Variants in ALK observed in about 807,000 individuals in gnomAD.
ALK encodes ALK tyrosine kinase receptor.
Under a neutral mutation model 163.1 loss-of-function variants are expected in ALK, and 74 were observed. That is an observed-to-expected ratio of 0.45 (90% CI 0.38 to 0.55). ALK has a LOEUF of 0.55. ALK is among the 20% of genes least tolerant of loss of function. ALK has a pLI of 0.00. For synonymous variants in ALK, 960 were observed against 843.2 expected (o/e 1.14, Z -2.40); for missense variants, 2,063 against 2,105.3 (o/e 0.98, Z 0.39).
intron 26 of ALK, among the ~76,000 whole-genome samples, chr2:29,199,876 A>G (rs1196927339): frequency 6.6e-6 from 1 of 152,224 alleles, no homozygotes; most frequent in Non-Finnish European, 1.5e-5. Context: ...TATTACCACA[A>G]AAATTGTAGA....
At chr2:29,881,202 T>C (rs1454681090) in intron 1 of ALK, among the ~76,000 whole-genome samples, 1 of 152,146 alleles carries the variant, frequency 6.6e-6, no homozygotes, top group Non-Finnish European at 1.5e-5. Context: ...TTCCAATCCC[T>C]CCATTTCCAA....
intron 4 of ALK, among the ~76,000 whole-genome samples, chr2:29,480,314 G>A (rs72794444): frequency 0.15 from 23,121 of 152,100 alleles, 1,973 homozygotes; most frequent in East Asian, 0.34. Context: ...CAAATAGGGT[G>A]AAATATTAAT....
chr2:29,612,225 A>G (rs920869995), intron 3 of ALK, among the ~76,000 whole-genome samples: 3 of 152,196 alleles, frequency 2.0e-5, no homozygotes, highest in Admixed American at 1.3e-4. Flanking sequence ...GTAGTGTGCT[A>G]ATAGCATCTC....
At chr2:29,215,868 G>C (rs147347988) in intron 23 of ALK, among the ~76,000 whole-genome samples, 1 of 152,218 alleles carries the variant, frequency 6.6e-6, no homozygotes, top group African/African-American at 2.4e-5. Context: ...CTCAGAGCCA[G>C]TTTCATCTGT....
intron 11 of ALK, among the ~76,000 whole-genome samples, chr2:29,263,360 T>A (rs1457480390): frequency 1.3e-5 from 2 of 152,170 alleles, no homozygotes; most frequent in African/African-American, 2.4e-5. Context: ...CATTGTTTGG[T>A]TCTAACTCAT....
chr2:29,243,912 T>C (rs142045677), intron 12 of ALK, among the ~76,000 whole-genome samples: 14 of 152,374 alleles, frequency 9.2e-5, no homozygotes, highest in African/African-American at 3.4e-4. Context: ...TTTTGTTTTT[T>C]CCTCATCTAA....
intron 3 of ALK, among the ~76,000 whole-genome samples, chr2:29,616,376 C>A (rs1484674114): frequency 1.3e-5 from 2 of 152,118 alleles, no homozygotes; most frequent in African/African-American, 2.4e-5. Flanking sequence ...TAAAACAAAC[C>A]CTCAAATTCC....
At chr2:29,730,375 A>C (rs1190629114) in intron 1 of ALK, among the ~76,000 whole-genome samples, 1 of 152,190 alleles carries the variant, frequency 6.6e-6, no homozygotes, top group Non-Finnish European at 1.5e-5. Context: ...GCTTGAACCT[A>C]AATAGGAGGT....
chr2:29,671,517 G>A (rs1677688064), intron 3 of ALK, among the ~76,000 whole-genome samples: 1 of 152,050 alleles, frequency 6.6e-6, no homozygotes, highest in African/African-American at 2.4e-5. Flanking sequence ...TTAAGGGAAG[G>A]ACAGATCTCC....
chr2:29,870,904 C>G (rs939167675), intron 1 of ALK, among the ~76,000 whole-genome samples: 3 of 152,140 alleles, frequency 2.0e-5, no homozygotes, highest in African/African-American at 7.2e-5. Context: ...TGTTTTAGGT[C>G]TTTGATAAAG....
chr2:29,301,365 A>G lies in ALK; in HGVS notation c.1648-4308T>C, dbSNP rs17007850. ...TTGTCTTCTCTCTCTACCCTTGGTC[A>G]TGAATTCCTTCAAGGCAGGGACTGT... On this transcript the variant is annotated intron_variant, in intron 8 of 28. Transcript: ENST00000389048. 6.4e-3 allele frequency among the ~76,000 whole-genome samples: 968 copies of G among 152,280 alleles called. 12 individuals are homozygous for G. The highest frequency in any genetic ancestry group is 0.022 in the African/African-American group (914 of 41,544).
intron 4 of ALK, among the ~76,000 whole-genome samples, chr2:29,441,767 G>A (rs1012193811): frequency 2.6e-5 from 4 of 152,124 alleles, no homozygotes; most frequent in East Asian, 1.9e-4. Flanking sequence ...TGAGACTAAG[G>A]AGCAACAATG....
At chr2:29,706,324 A>C (rs1439139807) in intron 2 of ALK, among the ~76,000 whole-genome samples, 1 of 152,168 alleles carries the variant, frequency 6.6e-6, no homozygotes, top group Non-Finnish European at 1.5e-5. Flanking sequence ...TTTCTGGATT[A>C]TCTCCTTGGC....
intron 11 of ALK, among the ~76,000 whole-genome samples, chr2:29,267,081 ACTCT>A (rs150083664): frequency 2.0e-5 from 3 of 147,684 alleles, no homozygotes; most frequent in African/African-American, 5.0e-5. Flanking sequence ...TTACTAGAAG[ACTCT>A]CTCTCTCTCT....
At chr2:29,833,346 T>A (rs2148389534) in intron 1 of ALK, among the ~76,000 whole-genome samples, 1 of 152,380 alleles carries the variant, frequency 6.6e-6, no homozygotes, top group African/African-American at 2.4e-5. Context: ...GCCTCCGGGC[T>A]TGGCCCTGAA....
intron 3 of ALK, among the ~76,000 whole-genome samples, chr2:29,641,284 C>T (rs1258752179): frequency 6.6e-6 from 1 of 151,998 alleles, no homozygotes; most frequent in Non-Finnish European, 1.5e-5. Context: ...AGGGAGGCCA[C>T]AGTCTTTCAA....
intron 1 of ALK, among the ~76,000 whole-genome samples, chr2:29,819,540 C>T (rs183533731): frequency 6.6e-6 from 1 of 152,382 alleles, no homozygotes; most frequent in Admixed American, 6.5e-5. Context: ...GACTCCTGCT[C>T]ACCCAGGTGT....
At chr2:29,892,738 T>G (rs554636430) in intron 1 of ALK, among the ~76,000 whole-genome samples, 1 of 152,290 alleles carries the variant, frequency 6.6e-6, no homozygotes, top group African/African-American at 2.4e-5. Context: ...CCAGACTGAC[T>G]CTACGCACAT....
chr2:29,197,024 C>T (rs935963311), intron 27 of ALK, among the ~76,000 whole-genome samples, 164 bp from the exon 28 acceptor site: 4 of 152,258 alleles, frequency 2.6e-5, no homozygotes, highest in South Asian at 2.1e-4. Flanking sequence ...AGGAAGAGTG[C>T]GCAGGTGTAA....
Sources: gnomAD v4.1 joint callset for allele counts (sites outside exome capture counted in the v4.1 genomes callset) on GRCh38, gnomAD v4.1.1 for gene constraint, MANE v1.5 for transcripts, NCBI Gene and HGNC (gene_info 2026-07-23, HGNC 2026-07-21) for gene names.